Variants in KCNIP4 observed in about 807,000 individuals in gnomAD.
KCNIP4 encodes the protein potassium voltage-gated channel interacting protein 4.
A neutral mutation model predicts 34.0 loss-of-function variants in KCNIP4; 12 were observed. The ratio of observed to expected loss-of-function variants is 0.35; its 90% CI spans 0.23 to 0.57. KCNIP4 has a LOEUF of 0.57. KCNIP4 is among the 20% of genes least tolerant of loss of function. The pLI is 0.83. For missense variants in KCNIP4, 238 were observed against 311.7 expected (o/e 0.76, Z 1.78); for synonymous variants, 124 against 102.2 (o/e 1.21, Z -1.29).
At chr4:20,819,144 G>A (rs1716789200) in intron 3 of KCNIP4, among the ~76,000 whole-genome samples, 1 of 152,016 alleles carries the variant, frequency 6.6e-6, no homozygotes, top group Non-Finnish European at 1.5e-5. Context: ...ACAGGCGTGA[G>A]CCACAGCGCC....
intron 5 of KCNIP4, among the ~76,000 whole-genome samples, chr4:20,735,529 T>TG (rs869177418): frequency 1.1e-5 from 1 of 87,190 alleles, no homozygotes; most frequent in East Asian, 5.0e-4. Flanking sequence ...TTTTTTTTTT[T>TG]GTTTTTTTTT....
chr4:21,265,396 T>C (rs558202082), intron 1 of KCNIP4, among the ~76,000 whole-genome samples: 3 of 152,266 alleles, frequency 2.0e-5, no homozygotes, highest in African/African-American at 7.2e-5. Context: ...GAAGTAACTT[T>C]AAGAAAATTT....
chr4:21,441,854 T>A (rs1727511068), intron 1 of KCNIP4, among the ~76,000 whole-genome samples: 1 of 152,198 alleles, frequency 6.6e-6, no homozygotes, highest in Middle Eastern at 3.2e-3. Context: ...TATTTAGGGA[T>A]CTTCTGTAAA....
At chr4:21,617,709 G>T (rs892139393) in intron 1 of KCNIP4, among the ~76,000 whole-genome samples, 30 of 152,158 alleles carry the variant, frequency 2.0e-4, no homozygotes, top group Middle Eastern at 6.3e-3. Context: ...TGGGATTAGA[G>T]AATGTTTTAT....
chr4:21,547,893 T>G (rs1738268993), intron 1 of KCNIP4, among the ~76,000 whole-genome samples: 1 of 152,052 alleles, frequency 6.6e-6, no homozygotes, highest in African/African-American at 2.4e-5. Context: ...ATTTTAATAA[T>G]TTTGCGCCTG....
At chr4:21,237,736 T>G (rs935622475) in intron 1 of KCNIP4, among the ~76,000 whole-genome samples, 5 of 152,114 alleles carry the variant, frequency 3.3e-5, no homozygotes, top group African/African-American at 1.2e-4. Context: ...AGGCAATAAT[T>G]AATAGCTTAC....
chr4:21,063,706 C>A (rs1744117974), intron 1 of KCNIP4, among the ~76,000 whole-genome samples: 1 of 151,426 alleles, frequency 6.6e-6, no homozygotes, highest in African/African-American at 2.4e-5. Flanking sequence ...AATTGAGAGA[C>A]AAGAATATCA....
intron 1 of KCNIP4, among the ~76,000 whole-genome samples, chr4:21,281,958 C>T (rs183837441): frequency 6.6e-6 from 1 of 152,294 alleles, no homozygotes; most frequent in East Asian, 1.9e-4. Context: ...CCCCTTCATC[C>T]ATAACCTTCA....
intron 1 of KCNIP4, among the ~76,000 whole-genome samples, chr4:21,247,384 AC>A: frequency 6.6e-6 from 1 of 151,658 alleles, no homozygotes; most frequent in East Asian, 1.9e-4. Flanking sequence ...GTTCATTAGG[AC>A]TCTTCTCTAT....
At chr4:21,501,866 G>A (rs1004681049) in intron 1 of KCNIP4, among the ~76,000 whole-genome samples, 5 of 150,976 alleles carry the variant, frequency 3.3e-5, no homozygotes, top group African/African-American at 1.2e-4. Flanking sequence ...ATTTCCCCTT[G>A]CTGACAATTT....
chr4:21,184,861 C>T (rs1245124149), intron 1 of KCNIP4, among the ~76,000 whole-genome samples: 1 of 152,184 alleles, frequency 6.6e-6, no homozygotes, highest in Non-Finnish European at 1.5e-5. Context: ...CAGGTGATCT[C>T]ATACTAATAA....
intron 1 of KCNIP4, among the ~76,000 whole-genome samples, chr4:21,035,992 T>C (rs985245546): frequency 3.9e-5 from 6 of 152,176 alleles, no homozygotes; most frequent in African/African-American, 1.4e-4. Flanking sequence ...AGAGCATAAT[T>C]GGCACAAGAC....
intron 1 of KCNIP4, among the ~76,000 whole-genome samples, chr4:20,910,515 T>C (rs1728226823): frequency 6.6e-6 from 1 of 152,102 alleles, no homozygotes; most frequent in African/African-American, 2.4e-5. Context: ...ATGACAAGAA[T>C]AGTGATCATA....
intron 1 of KCNIP4, among the ~76,000 whole-genome samples, chr4:21,712,091 G>A (rs1191339895): frequency 6.6e-6 from 1 of 151,716 alleles, no homozygotes; most frequent in African/African-American, 2.4e-5. Context: ...TCTACTATGG[G>A]AGCTATTAAA....
intron 1 of KCNIP4, among the ~76,000 whole-genome samples, chr4:21,141,291 ACAT>A (rs1751931701): frequency 6.6e-6 from 1 of 152,210 alleles, no homozygotes; most frequent in African/African-American, 2.4e-5. Flanking sequence ...TTGGTAAAAT[ACAT>A]AATATCTGCA....
chr4:20,987,271 C>T (rs1325491003), intron 1 of KCNIP4, among the ~76,000 whole-genome samples: 3 of 152,156 alleles, frequency 2.0e-5, no homozygotes, highest in South Asian at 4.1e-4. Flanking sequence ...GATCACGGCT[C>T]AACCATTTTA....
At chr4:21,947,529 T>C (rs1316777319) in intron 1 of KCNIP4, among the ~76,000 whole-genome samples, 1 of 152,170 alleles carries the variant, frequency 6.6e-6, no homozygotes, top group Non-Finnish European at 1.5e-5. Flanking sequence ...TCCATTTCCA[T>C]TTCTCATGGC....
At chr4:21,747,352 C>T (rs781696322) in intron 1 of KCNIP4, among the ~76,000 whole-genome samples, 2 of 152,130 alleles carry the variant, frequency 1.3e-5, no homozygotes, top group Non-Finnish European at 2.9e-5. Context: ...ACTTTATCTG[C>T]TGAAAGGTCA....
At chr4:20,886,306 A>G (rs574143777) in intron 1 of KCNIP4, among the ~76,000 whole-genome samples, 4 of 152,288 alleles carry the variant, frequency 2.6e-5, no homozygotes, top group African/African-American at 9.6e-5. Flanking sequence ...TGTTCCTTCC[A>G]TAGTTCAGGG....
Sources: gnomAD v4.1 joint callset for allele counts (sites outside exome capture counted in the v4.1 genomes callset) on GRCh38, gnomAD v4.1.1 for gene constraint, MANE v1.5 for transcripts, NCBI Gene and HGNC (gene_info 2026-07-23, HGNC 2026-07-21) for gene names.